The following MYO16 variants were observed in gnomAD, a reference collection of about 807,000 sequenced individuals.
The protein encoded by MYO16 is myosin XVI.
Under a neutral mutation model 205.3 loss-of-function variants are expected in MYO16, and 94 were observed. That is an observed-to-expected ratio of 0.46 (90% CI 0.39 to 0.54). MYO16 has a LOEUF of 0.54. Ranked by LOEUF, MYO16 falls within the 20% of genes least tolerant of loss-of-function variation. MYO16 has a pLI of 0.00. For synonymous variants in MYO16, 988 were observed against 954.0 expected (o/e 1.04, Z -0.66); for missense variants, 2,315 against 2,387.5 (o/e 0.97, Z 0.63).
intron 31 of MYO16, among the ~76,000 whole-genome samples, chr13:109,129,315 T>C (rs1876419550): frequency 6.6e-6 from 1 of 152,098 alleles, no homozygotes; most frequent in Non-Finnish European, 1.5e-5. Flanking sequence ...TGTTTGTCTT[T>C]AGAGTCCTGG....
At position 108,806,725 on chromosome 13, in the gene MYO16, T is replaced by C; in HGVS notation, c.788T>C (p.Ile263Thr). ...GGCTACAAGGAGGTGGTGTCTCTTA[T>C]CCTGGAACATGGTGGAGACCTCAAC... is the stretch of plus-strand genomic sequence containing the variant. ...ASGYKEVVSL[I>T]LEHGGDLNIV... The change falls in exon 7 of 35, where the codon ATC becomes ACC. Residue 263 changes from isoleucine to threonine, a missense_variant. Ile to Thr is a moderately conservative substitution (Grantham distance 89). Around this residue, in one of 3 missense-constraint regions of MYO16, gnomAD observed 1,213 missense variants for 1,274.4 expected, o/e 0.95. Coordinates refer to ENST00000457511, the MANE Select transcript of MYO16 (RefSeq NM_001198950.3). 1 of 1,613,264 alleles carries C rather than the reference T, an allele frequency of 6.2e-7. No individual in the cohort carries two copies. Among genetic ancestry groups the C allele is most frequent in the Non-Finnish European group, 8.5e-7 (1 of 1,179,300 alleles).
chr13:109,013,551 A>G (rs747167913), intron 22 of MYO16, among the ~76,000 whole-genome samples: 12 of 152,188 alleles, frequency 7.9e-5, no homozygotes, highest in Non-Finnish European at 1.5e-4. Context: ...ACTGTCTTCC[A>G]CAATGGTTGA....
Position 108,870,001 on chromosome 13 carries a change from TATCTC to T in MYO16, c.1425+3761_1425+3765del, listed in dbSNP as rs1047450078. ...CATTTAAAAATATATATATATTTCT[TATCTC>T]AGGAGAAATCTTTAGTAATTAAACC... On this transcript the variant is annotated intron_variant, in intron 12 of 34. Transcript: ENST00000457511. Among the ~76,000 whole-genome samples, 29 of 151,608 alleles carry T rather than the reference TATCTC, an allele frequency of 1.9e-4. 1 individual carries two copies. The highest frequency in any genetic ancestry group is 1.7e-3 in the South Asian group (8 of 4,824).
chr13:109,059,296 C>G (rs12584509), intron 27 of MYO16, among the ~76,000 whole-genome samples: 89,582 of 152,044 alleles, frequency 0.59, 26,400 homozygotes, highest in Middle Eastern at 0.62. Context: ...ACCTGTGGCA[C>G]CTATATCCTT....
the MYO16 span, among the ~76,000 whole-genome samples, chr13:108,541,420 T>C: frequency 6.6e-6 from 1 of 151,320 alleles, no homozygotes; most frequent in Non-Finnish European, 1.5e-5. Context: ...AATATTAAAA[T>C]AAAACATGTA....
chr13:108,899,970 A>T (rs981345217), intron 15 of MYO16, among the ~76,000 whole-genome samples: 5 of 152,172 alleles, frequency 3.3e-5, no homozygotes, highest in Middle Eastern at 3.2e-3. Context: ...GAGCTCTGAG[A>T]GCTGAAAGCA....
the MYO16 span, among the ~76,000 whole-genome samples, chr13:108,509,620 G>C: frequency 1.3e-5 from 2 of 152,104 alleles, no homozygotes; most frequent in South Asian, 4.1e-4. Flanking sequence ...GCATAATCTT[G>C]CTTGCTCTGA....
intron 1 of MYO16, among the ~76,000 whole-genome samples, chr13:108,645,439 T>C (rs750951032): frequency 1.2e-4 from 18 of 152,186 alleles, no homozygotes; most frequent in Non-Finnish European, 2.6e-4. Flanking sequence ...CTGTCTCCTG[T>C]AGCTTTAAAA....
At chr13:108,903,908 T>C (rs934141453) in intron 15 of MYO16, among the ~76,000 whole-genome samples, 1 of 152,198 alleles carries the variant, frequency 6.6e-6, no homozygotes, top group Non-Finnish European at 1.5e-5. Flanking sequence ...TAAGTGTTGA[T>C]TACAGATTGA....
At chr13:109,002,055 C>G (rs544393016) in intron 21 of MYO16, among the ~76,000 whole-genome samples, 1 of 152,244 alleles carries the variant, frequency 6.6e-6, no homozygotes, top group South Asian at 2.1e-4. Flanking sequence ...TCAGTGTGTT[C>G]AACCATGTCT....
intron 1 of MYO16, among the ~76,000 whole-genome samples, chr13:108,648,257 C>T (rs1312974544): frequency 6.6e-6 from 1 of 152,180 alleles, no homozygotes; most frequent in Non-Finnish European, 1.5e-5. Flanking sequence ...CTTTAATATT[C>T]CCTGGGCATG....
At chr13:108,606,907 G>A (rs770658637) in intron 1 of MYO16, among the ~76,000 whole-genome samples, 2 of 152,212 alleles carry the variant, frequency 1.3e-5, no homozygotes, top group Non-Finnish European at 2.9e-5. Context: ...GGCCATGGAA[G>A]CCTATCTCTT....
chr13:108,792,244 C>A, intron 5 of MYO16, among the ~76,000 whole-genome samples: 1 of 152,096 alleles, frequency 6.6e-6, no homozygotes, highest in East Asian at 1.9e-4. Flanking sequence ...ATTCCGCACT[C>A]AATATTAGTT....
chr13:109,201,007 G>A (rs986251570), intron 34 of MYO16, among the ~76,000 whole-genome samples: 3 of 152,110 alleles, frequency 2.0e-5, no homozygotes, highest in Non-Finnish European at 4.4e-5. Context: ...AGATGGAAGA[G>A]TAACACCAAC....
intron 9 of MYO16, among the ~76,000 whole-genome samples, chr13:108,842,225 GACT>G: frequency 6.6e-6 from 1 of 152,118 alleles, no homozygotes; most frequent in Non-Finnish European, 1.5e-5. Flanking sequence ...AGTTACATCA[GACT>G]ATAAGGCTTC....
chr13:108,930,335 A>T (rs555700850), intron 16 of MYO16, among the ~76,000 whole-genome samples: 210 of 152,160 alleles, frequency 1.4e-3, no homozygotes, highest in Non-Finnish European at 2.7e-3. Context: ...TAATTAAAAA[A>T]TCCAGCATAT....
At chr13:109,107,841 A>ATATTATAT (rs370218945) in intron 28 of MYO16, among the ~76,000 whole-genome samples, 3 of 148,586 alleles carry the variant, frequency 2.0e-5, no homozygotes, top group African/African-American at 7.4e-5. Context: ...ATATTATATT[A>ATATTATAT]TATGTGTGTG....
intron 32 of MYO16, among the ~76,000 whole-genome samples, chr13:109,158,019 G>A (rs927536899): frequency 4.6e-5 from 7 of 152,160 alleles, no homozygotes; most frequent in African/African-American, 7.2e-5. Context: ...CTTGTAGGAC[G>A]TGAATACCTG....
At chr13:108,687,330 T>C (rs1882719317) in intron 2 of MYO16, among the ~76,000 whole-genome samples, 2 of 152,184 alleles carry the variant, frequency 1.3e-5, no homozygotes, top group Non-Finnish European at 2.9e-5. Flanking sequence ...GGCCTTGTGA[T>C]TTTCAGTATC....
Sources: gnomAD v4.1 joint callset for allele counts (sites outside exome capture counted in the v4.1 genomes callset) on GRCh38, gnomAD v4.1.1 for gene constraint, gnomAD v4.1.1 regional missense constraint, MANE v1.5 for transcripts, NCBI Gene and HGNC (gene_info 2026-07-23, HGNC 2026-07-21) for gene names.